Variants in PIEZO2 observed in about 807,000 individuals in gnomAD.
PIEZO2 encodes piezo-type mechanosensitive ion channel component 2.
In PIEZO2, 172 loss-of-function variants were observed where a neutral mutation model predicts 337.3. The observed-to-expected ratio is 0.51, with a 90% CI of 0.45 to 0.58. PIEZO2 has a LOEUF of 0.58. Among genes scored for constraint, PIEZO2 ranks in the 20% least tolerant of loss-of-function variants. The pLI is 0.00. For missense variants in PIEZO2, 3,028 were observed against 3,391.3 expected (o/e 0.89, Z 2.66); for synonymous variants, 1,251 against 1,228.5 (o/e 1.02, Z -0.38).
Position 10,726,609 on chromosome 18 carries a change from G to A in PIEZO2, c.5029+4798C>T. 1.4e-6 allele frequency: 1 copy of A among 713,228 alleles called. No homozygotes were observed. Among genetic ancestry groups the A allele is most frequent in the Non-Finnish European group, 1.7e-6 (1 of 571,906 alleles). The allele number at this position is 713,228 out of a possible 1,614,324, so 44.2% of individuals were successfully genotyped here. ...TCCAGGACCTGGCGCGCTACGTGCG[G>A]GACGCCGACGTGCGCTGGGAGTACT... On this transcript the variant is annotated intron_variant, in intron 36 of 55. Coordinates refer to ENST00000674853, the MANE Select transcript of PIEZO2 (RefSeq NM_001378183.1). This position sits in a 1 kb window ranked among gnomAD's most constrained non-coding sequence, Gnocchi z 5.9.
chr18:11,021,123 T>C lies in PIEZO2; in HGVS notation c.161-41463A>G, dbSNP rs1354817485. Among the ~76,000 whole-genome samples, 1 of 152,214 alleles carries C rather than the reference T, an allele frequency of 6.6e-6. No homozygotes were observed. The highest frequency in any genetic ancestry group is 1.5e-5 in the Non-Finnish European group (1 of 68,038). ...CTCCAGGGGCCTCACAGGCCTGGAC[T>C]ATGATTCTCTTCCGTTACATCATGA... On this transcript the variant is annotated intron_variant, in intron 2 of 55. Transcript: ENST00000674853. This position sits in a 1 kb window ranked among gnomAD's most constrained non-coding sequence, Gnocchi z 4.7.
chr18:10,807,767 T>A (rs1214239979), intron 7 of PIEZO2, among the ~76,000 whole-genome samples: 2 of 67,116 alleles, frequency 3.0e-5, no homozygotes, highest in African/African-American at 1.2e-4. Flanking sequence ...AGTTTAGCCA[T>A]GAAAGTCAAA....
rs2039511194 is a variant in PIEZO2 at position 11,104,700 on chromosome 18, G to A, written c.65-38478C>T. ...GTCTGTGGCCCGGCTGAGCCAAGAT[G>A]CCATGAACATGCAGGGCAGGCAAGA... On this transcript the variant is annotated intron_variant, in intron 1 of 55. Coordinates refer to ENST00000674853, the MANE Select transcript of PIEZO2 (RefSeq NM_001378183.1). The surrounding 1 kb of genome is among the most constrained non-coding windows in gnomAD (Gnocchi z 4.6). 2.0e-5 allele frequency among the ~76,000 whole-genome samples: 3 copies of A among 152,240 alleles called. No individual in the cohort carries two copies. Among genetic ancestry groups the A allele is most frequent in the Admixed American group, 1.3e-4 (2 of 15,292 alleles).
chr18:11,091,022 T>C (rs1443577800), intron 1 of PIEZO2, among the ~76,000 whole-genome samples: 1 of 151,962 alleles, frequency 6.6e-6, no homozygotes, highest in African/African-American at 2.4e-5. Context: ...TTCACAAATA[T>C]AGTGCTTCTA....
Position 10,789,103 on chromosome 18 carries a change from G to A in PIEZO2, c.2145C>T (p.Phe715=), listed in dbSNP as rs759485512. The A allele has an allele frequency of 1.0e-5, 16 of 1,537,192 alleles. No homozygotes were observed. In the South Asian group the frequency reaches 1.9e-4, roughly 18 times the overall value. Residue 715 remains phenylalanine (F), a synonymous_variant, in exon 15 of 56, where the codon TTC becomes TTT. Coordinates refer to ENST00000674853, the MANE Select transcript of PIEZO2 (RefSeq NM_001378183.1). ...VMYKIIYMVL[F]LFCVALYQVH... ...CCTGGTATAGGGCCACACAGAACAG[G>A]AACAGCACCATGTAGATGATTTTGT...
intron 4 of PIEZO2, among the ~76,000 whole-genome samples, chr18:10,908,935 A>G (rs2030209285): frequency 1.3e-5 from 2 of 152,196 alleles, no homozygotes; most frequent in African/African-American, 4.8e-5. Flanking sequence ...CTGCCAGGTG[A>G]TGACCAAAGT....
At chr18:11,049,794 C>T (rs1273621535) in intron 2 of PIEZO2, among the ~76,000 whole-genome samples, 2 of 152,162 alleles carry the variant, frequency 1.3e-5, no homozygotes, top group Admixed American at 1.3e-4. Flanking sequence ...GATTGTGAGG[C>T]CTCCCCAGCC....
intron 39 of PIEZO2, among the ~76,000 whole-genome samples, chr18:10,710,099 T>G (rs556527870): frequency 6.6e-6 from 1 of 152,264 alleles, no homozygotes; most frequent in Non-Finnish European, 1.5e-5. Context: ...TCATTTAATA[T>G]TTGCAGAGAT....
Position 10,754,819 on chromosome 18 carries a change from C to T in PIEZO2, c.3924-1940G>A, listed in dbSNP as rs1057258013. Among the ~76,000 whole-genome samples, 90 of 152,276 alleles carry T rather than the reference C, an allele frequency of 5.9e-4. 1 individual carries two copies. Among genetic ancestry groups the T allele is most frequent in the African/African-American group, 1.9e-3 (78 of 41,560 alleles). ...CTTATGCTACCAAGAGGCACTTAAG[C>T]GCATAAACATTCAGATTTGGGAGCT... On this transcript the variant is annotated intron_variant, in intron 27 of 55. Transcript: ENST00000674853.
At chr18:10,908,915 T>C (rs1241104808) in intron 4 of PIEZO2, 2 of 151,868 alleles carry the variant, frequency 1.3e-5, no homozygotes, top group Non-Finnish European at 2.9e-5. Context: ...TTTTCAGGAG[T>C]TTTTTTTACC....
Position 10,953,896 on chromosome 18 carries a change from GAT to G in PIEZO2, c.286+25637_286+25638del, listed in dbSNP as rs2033408870. ...GTGCCCCTGGTTACTATGTGAGGAC[GAT>G]ACTGCCTTGTTTTAATGATTTGCGG... On this transcript the variant is annotated intron_variant, in intron 3 of 55. Transcript: ENST00000674853. The surrounding 1 kb of genome is among the most constrained non-coding windows in gnomAD (Gnocchi z 5.2). 6.6e-6 allele frequency among the ~76,000 whole-genome samples: 1 copy of G among 152,184 alleles called. No homozygotes were observed. The highest frequency in any genetic ancestry group is 2.4e-5 in the African/African-American group (1 of 41,452).
Position 11,120,047 on chromosome 18 carries a change from G to A in PIEZO2, c.64+28478C>T, listed in dbSNP as rs527315587. 1.4e-4 allele frequency among the ~76,000 whole-genome samples: 22 copies of A among 152,246 alleles called. No individual in the cohort carries two copies. The South Asian group carries it at 2.7e-3, about 19-fold the overall frequency. ...CAGTCTCCATCCATCAGAATCAGTC[G>A]GAATTGCACAGGGCACTAAGTCCTC... is the stretch of plus-strand genomic sequence containing the variant. On this transcript the variant is annotated intron_variant, in intron 1 of 55. Coordinates refer to ENST00000674853, the MANE Select transcript of PIEZO2 (RefSeq NM_001378183.1).
At chr18:10,897,175 T>C (rs1199222183) in intron 4 of PIEZO2, among the ~76,000 whole-genome samples, 1 of 151,024 alleles carries the variant, frequency 6.6e-6, no homozygotes, top group Non-Finnish European at 1.5e-5. Flanking sequence ...AGTGAGTAAG[T>C]CTCAGGAGAT....
rs2042665073 is a variant in PIEZO2 at position 10,888,318 on chromosome 18, C to T, written c.330-16903G>A. The stretch of plus-strand genomic sequence containing the variant: ...AGTTGTGAGGGCCCCTCCACGCTGG[C>T]TCCTGGGAAATGTCCTTGTCATTCA... On this transcript the variant is annotated intron_variant, in intron 4 of 55. Transcript: ENST00000674853. The surrounding 1 kb of genome is among the most constrained non-coding windows in gnomAD (Gnocchi z 4.1). Among the ~76,000 whole-genome samples, 6 of 152,320 alleles carry T rather than the reference C, an allele frequency of 3.9e-5. No individual in the cohort carries two copies. In the South Asian group the frequency reaches 1.2e-3, roughly 32 times the overall value.
chr18:10,907,651 G>C (rs998500254), intron 4 of PIEZO2, among the ~76,000 whole-genome samples: 23 of 152,136 alleles, frequency 1.5e-4, no homozygotes, highest in African/African-American at 5.5e-4. Context: ...AAGCTTGTTG[G>C]TTTCAAAGCC....
chr18:10,908,551 G>A (rs1476684264), intron 4 of PIEZO2: 1 of 152,226 alleles, frequency 6.6e-6, no homozygotes, highest in East Asian at 1.9e-4. Flanking sequence ...CTGACATTTA[G>A]TCTTTGCAAC....
chr18:10,914,874 A>G (rs35239136), intron 3 of PIEZO2, among the ~76,000 whole-genome samples: 1,922 of 151,862 alleles, frequency 0.013, 18 homozygotes, highest in Non-Finnish European at 0.018. Context: ...GCAGGTCCCA[A>G]TGTCTACCAC....
intron 32 of PIEZO2, among the ~76,000 whole-genome samples, chr18:10,742,216 G>A (rs1314413874): frequency 6.6e-6 from 1 of 152,160 alleles, no homozygotes; most frequent in Non-Finnish European, 1.5e-5. Context: ...CCAATCTACT[G>A]CAGAAACAGA....
intron 22 of PIEZO2, 142 bp downstream of exon 22, chr18:10,762,780 C>T: frequency 7.6e-7 from 1 of 1,323,182 alleles, no homozygotes; most frequent in Non-Finnish European, 1.0e-6. Context: ...AGGCTTAACA[C>T]AGGCCCAGAG....
Sources: gnomAD v4.1 joint callset for allele counts (sites outside exome capture counted in the v4.1 genomes callset) on GRCh38, gnomAD v4.1.1 for gene constraint, Gnocchi (gnomAD v3.1) non-coding constraint, MANE v1.5 for transcripts, NCBI Gene and HGNC (gene_info 2026-07-23, HGNC 2026-07-21) for gene names.